The following DPH7 variants were observed in gnomAD, a reference collection of about 807,000 sequenced individuals.
DPH7 encodes the protein diphthamide biosynthesis 7.
Under a neutral mutation model 41.7 loss-of-function variants are expected in DPH7, and 44 were observed. The observed-to-expected ratio is 1.05, with a 90% CI of 0.83 to 1.36. DPH7 has a LOEUF of 1.36. Among genes scored for constraint, DPH7 ranks in the 40% most tolerant of loss-of-function variants. The probability of loss-of-function intolerance (pLI) is 0.00; values close to 1 mark genes in which losing one functional copy is unlikely to be tolerated. For missense variants in DPH7, 629 were observed against 577.5 expected, an observed-to-expected ratio of 1.09 and a Z score of -0.91; for synonymous variants, 275 against 238.0, an observed-to-expected ratio of 1.16 and a Z score of -1.43.
chr9:137,555,585 G>A lies in DPH7; in HGVS notation c.1013C>T (p.Ala338Val). Residue 338 changes from alanine (A) to valine (V), a missense_variant, in exon 9 of 9, where the codon GCC becomes GTC. Transcript: ENST00000277540. ...ACGGAAGAGCAGCCAGGACCAGTCG[G>A]CTCCATACACCAGCGAGTCGGGCAA... The part of the protein sequence containing the change: ...HTLPDSLVYG[A>V]DWSWLLFRSL... 1 of 1,613,442 alleles carries A rather than the reference G, an allele frequency of 6.2e-7. No homozygotes were observed. The highest frequency in any genetic ancestry group is 8.5e-7 in the Non-Finnish European group (1 of 1,179,784).
rs1013733056 is a variant in DPH7, at chr9:137,578,619, G to A, written c.153+6C>T. 199 of 1,469,878 alleles carry A rather than the reference G, an allele frequency of 1.4e-4. No homozygotes were observed. Among genetic ancestry groups the A allele is most frequent in the Non-Finnish European group, 1.7e-4 (189 of 1,115,948 alleles). 91.1% of individuals were successfully genotyped at this position (1,469,878 alleles called of 1,614,324 possible). On this transcript the variant is annotated splice_donor_region_variant and intron_variant, in intron 1 of 8. Transcript: ENST00000277540. ...CCCTCCCCTCCCGAAGCCGCGGCGCGCGCACCTTGTTCTGGGGGCCGGCAG... is the reference window on the plus strand; with the variant it reads ...CCCTCCCCTCCCGAAGCCGCGGCGCACGCACCTTGTTCTGGGGGCCGGCAG...
rs139959859 is a variant in DPH7 at position 137,574,841 on chromosome 9, C to T, written c.378G>A (p.Lys126=). 1.6e-4 allele frequency: 263 copies of T among 1,613,830 alleles called. 1 individual carries two copies. The African/African-American group carries it at 3.1e-3, about 19-fold the overall frequency. ...TGGACAATGGCTCCAGCACGTGGCTCTTCTACTGGAGAAGAAGAAACTCCA... is the reference window on the plus strand; with the variant it reads ...TGGACAATGGCTCCAGCACGTGGCTTTTCTACTGGAGAAGAAGAAACTCCA... ...IQLLRLVESE[K]SHVLEPLSSL... The change falls in exon 4 of 9, where the codon AAG becomes AAA. Residue 126 remains lysine, a splice_region_variant and synonymous_variant. Transcript: ENST00000277540.
In DPH7 at chr9:137,555,354, G is replaced by A. The variant is rs1360065783; in HGVS notation, c.1244C>T (p.Ala415Val). 1 of 1,614,198 alleles carries A rather than the reference G, an allele frequency of 6.2e-7. No homozygotes were observed. The highest frequency in any genetic ancestry group is 1.3e-5 in the African/African-American group (1 of 75,058). ...KNGTWLQATA[A>V]TTRDCGVNPE... ...GTTCACGCCACAGTCACGTGTGGTG[G>A]CTGCTGTAGCCTGCAGCCAGGTGCC... The change falls in exon 9 of 9, where the codon GCC becomes GTC. Residue 415 changes from alanine (A) to valine (V), a missense_variant. Physicochemically the swap from Ala to Val is moderately conservative, Grantham distance 64. Transcript: ENST00000277540.
intron 8 of DPH7, 85 bp from the exon 9 acceptor site, chr9:137,555,733 A>T (rs1408183585): frequency 7.0e-7 from 1 of 1,435,754 alleles, no homozygotes; most frequent in South Asian, 1.4e-5. Flanking sequence ...GGGAGACTCC[A>T]AGAACAGCCC....
At chr9:137,574,730 C>G (rs1841081034) in intron 4 of DPH7, 22 bp downstream of exon 4, 1 of 1,611,088 alleles carries the variant, frequency 6.2e-7, no homozygotes, top group Non-Finnish European at 8.5e-7. Flanking sequence ...ACTCAGGACC[C>G]CTGACCAAGC....
chr9:137,574,818 G>C lies in DPH7; in HGVS notation c.401C>G (p.Ser134Cys). The change falls in exon 4 of 9, where the codon TCC becomes TGC. Residue 134 changes from serine to cysteine, a missense_variant. Ser to Cys is a moderately radical substitution (Grantham distance 112). Coordinates refer to ENST00000277540, the MANE Select transcript of DPH7 (RefSeq NM_138778.5). Reference sequence around the variant, plus strand: ...ACACTGCTCCTCCAGGGCAAGGCTGGACAATGGCTCCAGCACGTGGCTCTT... The same window carrying C: ...ACACTGCTCCTCCAGGGCAAGGCTGCACAATGGCTCCAGCACGTGGCTCTT... ...SEKSHVLEPLSSLALEEQCLA... is the reference protein window; with the variant it reads ...SEKSHVLEPLCSLALEEQCLA... 2.5e-6 allele frequency: 4 copies of C among 1,613,940 alleles called. No homozygotes were observed. The South Asian group carries it at 4.4e-5, about 18-fold the overall frequency.
In DPH7 at chr9:137,556,917, A is replaced by C; in HGVS notation, c.950-1269T>G. 2.2e-6 allele frequency: 1 copy of C among 456,142 alleles called. No homozygotes were observed. Among genetic ancestry groups the C allele is most frequent in the Non-Finnish European group, 4.4e-6 (1 of 226,810 alleles). 28.3% of individuals were successfully genotyped at this position (456,142 alleles called of 1,614,324 possible). A position where few individuals can be genotyped will look rare whatever the true frequency, so the allele number is the denominator to read the frequency against. ...CGGAAGACACTGTTGCGACCCCAAG[A>C]ATGGGAGGCCCTTTCTGATTAGCCA... On this transcript the variant is annotated intron_variant, in intron 8 of 8. Transcript: ENST00000277540. This position sits in a 1 kb window ranked among gnomAD's most constrained non-coding sequence, Gnocchi z 5.2.
chr9:137,575,884 G>A (rs1841291336), intron 3 of DPH7, 196 bp downstream of exon 3: 2 of 1,400,208 alleles, frequency 1.4e-6, no homozygotes, highest in South Asian at 1.6e-5. Context: ...TGACACATGA[G>A]GTGACTTCCT....
chr9:137,560,000 T>G (rs1263163204), intron 8 of DPH7, among the ~76,000 whole-genome samples: 2 of 152,202 alleles, frequency 1.3e-5, no homozygotes, highest in Non-Finnish European at 2.9e-5. Context: ...AATTGCACAC[T>G]TAAAGTGGCT....
At chr9:137,573,682 CAAAAAAAAA>C (rs61028786) in intron 5 of DPH7, among the ~76,000 whole-genome samples, 5 of 25,944 alleles carry the variant, frequency 1.9e-4, no homozygotes, top group South Asian at 2.9e-3. Flanking sequence ...GACTCTGTCT[CAAAAAAAAA>C]AAAAAAAAAA....
intron 3 of DPH7, chr9:137,575,831 T>C: frequency 7.6e-7 from 1 of 1,312,858 alleles, no homozygotes. Flanking sequence ...TCAGATCCAC[T>C]GACAGGTCAA....
At chr9:137,568,729 C>G (rs1196596651) in intron 5 of DPH7, among the ~76,000 whole-genome samples, 1 of 152,068 alleles carries the variant, frequency 6.6e-6, no homozygotes, top group African/African-American at 2.4e-5. Flanking sequence ...GAAAGACGGA[C>G]GGGAACAGAA....
intron 8 of DPH7, among the ~76,000 whole-genome samples, chr9:137,563,678 G>A (rs750216956): frequency 1.2e-4 from 19 of 152,284 alleles, no homozygotes; most frequent in East Asian, 1.9e-4. Flanking sequence ...TGGGTGGCCC[G>A]AGAGGCTGGT....
In DPH7 at chr9:137,577,973, C is replaced by T. The variant is rs1841720581; in HGVS notation, c.154-370G>A. On this transcript the variant is annotated intron_variant, in intron 1 of 8. Coordinates refer to ENST00000277540, the MANE Select transcript of DPH7 (RefSeq NM_138778.5). Reference sequence around the variant, plus strand: ...TCCCACTTTCTCTTTACTGTACATTCCACCCATTCCCTTGGGCCACACCTG... The same window carrying T: ...TCCCACTTTCTCTTTACTGTACATTTCACCCATTCCCTTGGGCCACACCTG... 3.0e-6 allele frequency: 3 copies of T among 985,122 alleles called. No individual in the cohort carries two copies. The South Asian group carries it at 1.4e-4, about 46-fold the overall frequency. The allele number at this position is 985,122 out of a possible 1,614,324, so 61.0% of individuals were successfully genotyped here.
chr9:137,575,582 C>A (rs1476141170), intron 3 of DPH7: 4 of 998,232 alleles, frequency 4.0e-6, no homozygotes, highest in Non-Finnish European at 4.8e-6. Context: ...TGGTTTCAGG[C>A]TGTTTACATC....
At chr9:137,564,717 C>T (rs753431187) in intron 7 of DPH7, 111 bp from the exon 8 acceptor site, 220 of 1,489,898 alleles carry the variant, frequency 1.5e-4, no homozygotes, top group Non-Finnish European at 1.8e-4. Flanking sequence ...ATGCATCCCT[C>T]GAGGACAAAG....
intron 5 of DPH7, among the ~76,000 whole-genome samples, chr9:137,572,378 G>C (rs1324406362): frequency 6.6e-6 from 1 of 152,198 alleles, no homozygotes; most frequent in African/African-American, 2.4e-5. Flanking sequence ...CACTATTTTG[G>C]ATTTTATCCT....
At chr9:137,567,673 G>A (rs541881828) in intron 5 of DPH7, among the ~76,000 whole-genome samples, 2 of 19,116 alleles carry the variant, frequency 1.0e-4, no homozygotes, top group Non-Finnish European at 1.7e-4. Flanking sequence ...GACTCTGTCC[G>A]TGAGGAAGCT....
Position 137,574,360 on chromosome 9 carries a change from T to A in DPH7, c.488A>T (p.Lys163Met). Residue 163 changes from lysine to methionine, a missense_variant, in exon 5 of 9, where the codon AAG becomes ATG. By Grantham distance (95) the Lys-to-Met change is moderately conservative. Coordinates refer to ENST00000277540, the MANE Select transcript of DPH7 (RefSeq NM_138778.5). ...CCCTGTGGAGTCACTGCTGATGATC[T>A]TCAAGGGCTGGTCCCCGGCCCTAGA... ...KTGRAGDQPLKIISSDSTGQL... is the reference protein window; with the variant it reads ...KTGRAGDQPLMIISSDSTGQL... 6.2e-7 allele frequency: 1 copy of A among 1,614,104 alleles called. No individual in the cohort carries two copies. The highest frequency in any genetic ancestry group is 8.5e-7 in the Non-Finnish European group (1 of 1,180,008).
Sources: allele counts gnomAD v4.1 joint callset (sites outside exome capture counted in the v4.1 genomes callset), GRCh38; gene constraint gnomAD v4.1.1; non-coding constraint Gnocchi (gnomAD v3.1); transcripts MANE v1.5; gene names NCBI Gene and HGNC (gene_info 2026-07-23, HGNC 2026-07-21).